Variants in MS4A3 observed in about 807,000 individuals in gnomAD.
MS4A3 encodes membrane-spanning 4-domains subfamily A member 3.
MS4A3 carries 18 observed loss-of-function variants against 24.7 expected under a neutral mutation model. That is an observed-to-expected ratio of 0.73 (90% CI 0.50 to 1.08). The LOEUF is 1.08. MS4A3 is among the 50% of genes least tolerant of loss of function. MS4A3 has a pLI of 0.00. For synonymous variants in MS4A3, 84 were observed against 95.3 expected (o/e 0.88, Z 0.69); for missense variants, 282 against 251.7 (o/e 1.12, Z -0.82).
At chr11:60,068,413 T>G (rs937414736) in intron 5 of MS4A3, among the ~76,000 whole-genome samples, 11 of 150,174 alleles carry the variant, frequency 7.3e-5, no homozygotes, top group Admixed American at 6.6e-4. Context: ...CTAATTGTTT[T>G]TTTTTTTTTT....
At chr11:60,063,603 A>G (rs1855312418) in intron 3 of MS4A3, among the ~76,000 whole-genome samples, 2 of 152,052 alleles carry the variant, frequency 1.3e-5, no homozygotes, top group Admixed American at 6.6e-5. Context: ...CTCCCACTCT[A>G]TGGGTTGTCT....
In MS4A3 at chr11:60,070,240, A is replaced by G; in HGVS notation, c.*7A>G. 1 of 1,491,438 alleles carries G rather than the reference A, an allele frequency of 6.7e-7. No individual in the cohort carries two copies. Among genetic ancestry groups the G allele is most frequent in the Non-Finnish European group, 9.2e-7 (1 of 1,084,904 alleles). The allele number at this position is 1,491,438 out of a possible 1,614,324, so 92.4% of individuals were successfully genotyped here. A position where few individuals can be genotyped will look rare whatever the true frequency, so the allele number is the denominator to read the frequency against. ...ACCTCCCAATTCTGTGTAATCAAGAATACCTCCTTAATTCTGAGAGCATGA... is the reference window on the plus strand; with the variant it reads ...ACCTCCCAATTCTGTGTAATCAAGAGTACCTCCTTAATTCTGAGAGCATGA... On this transcript the variant is annotated 3_prime_UTR_variant, in exon 7 of 7. Coordinates refer to ENST00000278865, the MANE Select transcript of MS4A3 (RefSeq NM_006138.5).
intron 1 of MS4A3, among the ~76,000 whole-genome samples, chr11:60,058,680 G>A (rs759210142): frequency 6.6e-6 from 1 of 152,114 alleles, no homozygotes; most frequent in East Asian, 1.9e-4. Context: ...AGAAAATAAG[G>A]CTGGATGGAG....
At chr11:60,060,856 A>G (rs956489230) in intron 1 of MS4A3, 11 of 192,852 alleles carry the variant, frequency 5.7e-5, no homozygotes, top group African/African-American at 2.1e-4. Flanking sequence ...GACTTGAAGA[A>G]AGGCAGGGAC....
intron 2 of MS4A3, chr11:60,061,598 GT>G: frequency 2.3e-6 from 1 of 431,926 alleles, no homozygotes; most frequent in Non-Finnish European, 4.3e-6. Flanking sequence ...AACGTTTTTA[GT>G]TTCTCTAGCT....
intron 6 of MS4A3, 146 bp downstream of exon 6, chr11:60,069,821 A>T: frequency 1.4e-6 from 1 of 717,868 alleles, no homozygotes; most frequent in South Asian, 1.6e-5. Context: ...AATGTTAGAG[A>T]TGGAATGAAG....
rs1217384996 is a variant in MS4A3 at position 60,067,085 on chromosome 11, A to G, written c.486A>G (p.Leu162=). Residue 162 remains leucine, a synonymous_variant, in exon 5 of 7, where the codon CTA becomes CTG. Transcript: ENST00000278865. Reference sequence around the variant, plus strand: ...ACTCTTCATCAGAGTCACCGGACCTATGCAATTACATGGGCTCCATATCAA... The same window carrying G: ...ACTCTTCATCAGAGTCACCGGACCTGTGCAATTACATGGGCTCCATATCAA... The part of the protein sequence containing the change: ...SCHSSSESPD[L]CNYMGSISNG... 1 of 1,608,380 alleles carries G rather than the reference A, an allele frequency of 6.2e-7. No individual in the cohort carries two copies. The highest frequency in any genetic ancestry group is 8.5e-7 in the Non-Finnish European group (1 of 1,178,584).
At chr11:60,061,116 T>C (rs992420268) in intron 1 of MS4A3, 30 bp from the exon 2 acceptor site, 2 of 1,525,962 alleles carry the variant, frequency 1.3e-6, no homozygotes, top group South Asian at 1.3e-5. Context: ...AGGGAAAGCA[T>C]GAAGGCTTTG....
intron 6 of MS4A3, 53 bp downstream of exon 6, chr11:60,069,728 G>A: frequency 7.3e-7 from 1 of 1,366,536 alleles, no homozygotes; most frequent in Non-Finnish European, 1.0e-6. Flanking sequence ...CCTCCCTGTA[G>A]GGTTTGAAGT....
chr11:60,067,389 A>G (rs1026237810), intron 5 of MS4A3, among the ~76,000 whole-genome samples: 1 of 151,428 alleles, frequency 6.6e-6, no homozygotes, highest in African/African-American at 2.4e-5. Context: ...AATTTTTTGT[A>G]TTTTTTTAGT....
intron 1 of MS4A3, among the ~76,000 whole-genome samples, chr11:60,057,091 T>A (rs1181832866): frequency 1.3e-5 from 2 of 152,188 alleles, no homozygotes; most frequent in Admixed American, 1.3e-4. Context: ...GTATGGGGTC[T>A]GCAAAGTGCA....
At chr11:60,066,882 A>C in intron 4 of MS4A3, 69 bp from the exon 5 acceptor site, 1 of 1,223,660 alleles carries the variant, frequency 8.2e-7, no homozygotes, top group Non-Finnish European at 1.1e-6. Context: ...TGTTTGTTTC[A>C]ATGAATTGTT....
intron 5 of MS4A3, among the ~76,000 whole-genome samples, chr11:60,068,642 A>G: frequency 6.6e-6 from 1 of 151,960 alleles, no homozygotes. Flanking sequence ...GGAATTATCC[A>G]TTTCATCCCA....
chr11:60,062,729 A>G (rs1288018305), intron 3 of MS4A3, 124 bp downstream of exon 3: 1 of 843,916 alleles, frequency 1.2e-6, no homozygotes, highest in Non-Finnish European at 1.8e-6. Context: ...TTGATTTGCA[A>G]TTCTTGATAT....
In MS4A3 at chr11:60,061,228, A is replaced by G. The variant is rs2134658617; in HGVS notation, c.68A>G (p.Glu23Gly). 1 of 1,613,698 alleles carries G rather than the reference A, an allele frequency of 6.2e-7. No individual in the cohort carries two copies. The highest frequency in any genetic ancestry group is 1.1e-5 in the South Asian group (1 of 91,006). The change falls in exon 2 of 7, where the codon GAG becomes GGG. Residue 23 changes from glutamate to glycine, a missense_variant. Physicochemically the swap from Glu to Gly is moderately conservative, Grantham distance 98 (BLOSUM62 -2). Transcript: ENST00000278865. Reference sequence around the variant, plus strand: ...TCTGCCCATGGTACCCCAGGCAGTGAGGCGGGACCAGAAGAGCTGAATACT... The same window carrying G: ...TCTGCCCATGGTACCCCAGGCAGTGGGGCGGGACCAGAAGAGCTGAATACT... ...SASAHGTPGS[E>G]AGPEELNTSV...
intron 1 of MS4A3, among the ~76,000 whole-genome samples, chr11:60,059,252 AC>A (rs1236636927): frequency 2.0e-5 from 3 of 152,002 alleles, no homozygotes; most frequent in Admixed American, 2.0e-4. Context: ...AGTCATACAC[AC>A]CCCCAGAGTA....
At chr11:60,063,783 A>G (rs960714810) in intron 3 of MS4A3, among the ~76,000 whole-genome samples, 1 of 152,230 alleles carries the variant, frequency 6.6e-6, no homozygotes, top group Admixed American at 6.5e-5. Flanking sequence ...ATCAAACATC[A>G]TATGTTCTCA....
chr11:60,061,977 T>C (rs930272474), intron 2 of MS4A3, among the ~76,000 whole-genome samples: 7 of 152,216 alleles, frequency 4.6e-5, no homozygotes, highest in African/African-American at 1.7e-4. Flanking sequence ...CTTCATTTTT[T>C]GTTTTGTGCC....
At chr11:60,065,331 C>A (rs1029168352) in intron 4 of MS4A3, among the ~76,000 whole-genome samples, 3 of 151,238 alleles carry the variant, frequency 2.0e-5, no homozygotes, top group African/African-American at 2.4e-5. Context: ...GGGTTACAGG[C>A]GTGAGTTACC....
Sources: gnomAD v4.1 joint callset for allele counts (sites outside exome capture counted in the v4.1 genomes callset) on GRCh38, gnomAD v4.1.1 for gene constraint, MANE v1.5 for transcripts, NCBI Gene and HGNC (gene_info 2026-07-23, HGNC 2026-07-21) for gene names.